PDE4D: variants seen among roughly 807,000 people sequenced by gnomAD.
PDE4D encodes the protein 3',5'-cyclic-AMP phosphodiesterase 4D.
A neutral mutation model predicts 87.4 loss-of-function variants in PDE4D; 24 were observed. The ratio of observed to expected loss-of-function variants is 0.27; its 90% CI spans 0.20 to 0.39. The LOEUF is 0.39. Among genes scored for constraint, PDE4D ranks in the 10% least tolerant of loss-of-function variants. The probability of loss-of-function intolerance (pLI) is 1.00; values close to 1 mark genes in which losing one functional copy is unlikely to be tolerated. For missense variants in PDE4D, 714 were observed against 1,041.0 expected (o/e 0.69, Z 4.32); for synonymous variants, 384 against 383.2 (o/e 1.00, Z -0.02).
intron 1 of PDE4D, among the ~76,000 whole-genome samples, chr5:59,372,181 C>A (rs1042272113): frequency 1.3e-5 from 2 of 152,186 alleles, no homozygotes; most frequent in Non-Finnish European, 2.9e-5. Context: ...TCTCTACCTA[C>A]CCAATGGACA....
chr5:59,563,815 A>G (rs1820451788), intron 1 of PDE4D, among the ~76,000 whole-genome samples: 1 of 152,238 alleles, frequency 6.6e-6, no homozygotes, highest in African/African-American at 2.4e-5. Context: ...CTTACTCCTA[A>G]GAAGAGATGC....
At chr5:60,136,489 A>G (rs1464535397) in intron 2 of PDE4D, among the ~76,000 whole-genome samples, 1 of 151,888 alleles carries the variant, frequency 6.6e-6, no homozygotes, top group Admixed American at 6.6e-5. Context: ...TAATTTTTGT[A>G]TTTTTAGTGG....
chr5:59,077,041 T>G (rs1192600110), intron 5 of PDE4D, among the ~76,000 whole-genome samples: 2 of 152,192 alleles, frequency 1.3e-5, no homozygotes, highest in African/African-American at 4.8e-5. Context: ...TTTAAATACA[T>G]AAAAACTTGG....
chr5:59,311,499 CAAAAAAAAAA>C (rs35020719), intron 1 of PDE4D, among the ~76,000 whole-genome samples: 67 of 43,360 alleles, frequency 1.5e-3, no homozygotes, highest in African/African-American at 3.9e-3. Context: ...GACTCTGTCT[CAAAAAAAAAA>C]AAAAAAAAAA....
intron 1 of PDE4D, among the ~76,000 whole-genome samples, chr5:59,327,132 TACACACACACACACACAC>T (rs3061651): frequency 7.0e-6 from 1 of 141,850 alleles, no homozygotes; most frequent in Non-Finnish European, 1.5e-5. Flanking sequence ...GAAACAGAAA[TACACACACACACACACAC>T]ACACACACAC....
intron 3 of PDE4D, among the ~76,000 whole-genome samples, chr5:59,975,759 G>C (rs148527348): frequency 2.6e-5 from 4 of 152,278 alleles, no homozygotes; most frequent in Non-Finnish European, 5.9e-5. Flanking sequence ...TTCTGGTCTA[G>C]CCATGTTTTA....
chr5:59,211,142 T>A (rs1042512332), intron 2 of PDE4D, among the ~76,000 whole-genome samples: 4 of 152,154 alleles, frequency 2.6e-5, no homozygotes, highest in Non-Finnish European at 5.9e-5. Flanking sequence ...TTATAAAAAA[T>A]TTTTACTATT....
chr5:60,416,750 C>T (rs1289311852), intron 1 of PDE4D, among the ~76,000 whole-genome samples: 1 of 152,214 alleles, frequency 6.6e-6, no homozygotes, highest in African/African-American at 2.4e-5. Flanking sequence ...ACTCTTCCTT[C>T]AGAGAAATTA....
At chr5:59,020,238 G>A (rs1754857422) in intron 6 of PDE4D, among the ~76,000 whole-genome samples, 1 of 152,174 alleles carries the variant, frequency 6.6e-6, no homozygotes, top group South Asian at 2.1e-4. Flanking sequence ...ACTTTGGAAA[G>A]CTGAGGTGGG....
intron 5 of PDE4D, chr5:59,039,212 G>A: frequency 1.5e-6 from 2 of 1,293,540 alleles, no homozygotes; most frequent in Non-Finnish European, 9.8e-7. Context: ...TCGGCCTCCA[G>A]GGAGGGCGTG....
rs555787701 is a variant in PDE4D at position 59,670,282 on chromosome 5, T to C, written c.455+222886A>G. On this transcript the variant is annotated intron_variant, in intron 1 of 14. Coordinates refer to ENST00000340635, the MANE Select transcript of PDE4D (RefSeq NM_001104631.2). ...CTGTAAGTATCATCTATTATTGTTT[T>C]GTTATTAATAAAGGACTCCATTATT... Among the ~76,000 whole-genome samples the C allele has an allele frequency of 3.9e-5, 6 of 152,308 alleles. No individual in the cohort carries two copies. The South Asian group carries it at 1.2e-3, about 32-fold the overall frequency.
chr5:59,959,605 G>C (rs1019172692), intron 3 of PDE4D, among the ~76,000 whole-genome samples: 3 of 151,980 alleles, frequency 2.0e-5, no homozygotes, highest in Non-Finnish European at 2.9e-5. Context: ...AAATAAGCAG[G>C]GGGGAAGGGA....
intron 3 of PDE4D, among the ~76,000 whole-genome samples, chr5:59,930,721 C>T (rs955535749): frequency 6.6e-6 from 1 of 152,114 alleles, no homozygotes; most frequent in African/African-American, 2.4e-5. Flanking sequence ...AGTAGGGGCC[C>T]CATTGCTCAA....
At chr5:59,938,773 A>G (rs77601577) in intron 3 of PDE4D, among the ~76,000 whole-genome samples, 6,237 of 152,292 alleles carry the variant, frequency 0.041, 393 homozygotes, top group African/African-American at 0.13. Context: ...TCGTTCAATT[A>G]TTAAATATCA....
At chr5:59,967,297 C>G (rs1760151162) in intron 3 of PDE4D, among the ~76,000 whole-genome samples, 1 of 151,962 alleles carries the variant, frequency 6.6e-6, no homozygotes, top group Non-Finnish European at 1.5e-5. Flanking sequence ...AGCTTCTGCA[C>G]AGCAAAGAAA....
intron 1 of PDE4D, among the ~76,000 whole-genome samples, chr5:59,477,150 T>C (rs893974518): frequency 2.6e-5 from 4 of 151,782 alleles, no homozygotes; most frequent in African/African-American, 9.7e-5. Context: ...ATGAGAATAT[T>C]AGAAAAAATT....
At position 60,394,594 on chromosome 5, in the gene PDE4D, C is replaced by T. The variant is rs187404644; in HGVS notation, c.-90+93348G>A. On this transcript the variant is annotated intron_variant, in intron 1 of 16. Transcript: ENST00000502484. ...GCAGTTTTAAGAGCTAAACAGAACTCTAATCAACAAAAGCTAAGTTTCATC... is the reference window on the plus strand; with the variant it reads ...GCAGTTTTAAGAGCTAAACAGAACTTTAATCAACAAAAGCTAAGTTTCATC... Among the ~76,000 whole-genome samples the T allele has an allele frequency of 3.3e-5, 5 of 152,250 alleles. No individual in the cohort carries two copies. The East Asian group carries it at 9.7e-4, about 29-fold the overall frequency.
chr5:59,479,257 G>T (rs1302833577), intron 1 of PDE4D, among the ~76,000 whole-genome samples: 1 of 151,972 alleles, frequency 6.6e-6, no homozygotes, highest in Non-Finnish European at 1.5e-5. Flanking sequence ...ACTTTACAAT[G>T]CTCCCTGGAG....
intron 1 of PDE4D, among the ~76,000 whole-genome samples, chr5:59,353,588 A>T (rs1415473416): frequency 6.6e-6 from 1 of 151,970 alleles, no homozygotes; most frequent in East Asian, 1.9e-4. Flanking sequence ...TAATGCTAAC[A>T]CTGATCCCAT....
Sources: allele counts gnomAD v4.1 joint callset (sites outside exome capture counted in the v4.1 genomes callset), GRCh38; gene constraint gnomAD v4.1.1; transcripts MANE v1.5; gene names NCBI Gene and HGNC (gene_info 2026-07-23, HGNC 2026-07-21).